SUV39H1: variants seen among roughly 807,000 people sequenced by gnomAD.
SUV39H1 encodes SUV39H1 histone lysine methyltransferase.
For missense variants in SUV39H1, 180 were observed against 386.3 expected, an observed-to-expected ratio of 0.47 and a Z score of 4.48; for synonymous variants, 141 against 150.5, an observed-to-expected ratio of 0.94 and a Z score of 0.46.
chrX:48,701,881 A>G (rs782044185), intron 3 of SUV39H1, among the ~76,000 whole-genome samples: 18 of 111,549 alleles, frequency 1.6e-4, no homozygotes, highest in African/African-American at 5.2e-4. Context: ...ATATATAGCC[A>G]TAGGTCCCTT....
intron 3 of SUV39H1, among the ~76,000 whole-genome samples, chrX:48,702,133 TGGA>T (rs1330603456): frequency 4.5e-5 from 5 of 111,829 alleles, no homozygotes; most frequent in Non-Finnish European, 9.4e-5. Context: ...GCTGGCCTGC[TGGA>T]GGAGATGTCT....
At chrX:48,704,347 G>A in intron 3 of SUV39H1, among the ~76,000 whole-genome samples, 1 of 111,416 alleles carries the variant, frequency 9.0e-6, no homozygotes. Context: ...GAAGGATGTG[G>A]GCACTCCTCC....
rs781901688 is a variant in SUV39H1 at position 48,697,209 on chromosome X, T to C, written c.19+406T>C. ...AAGATAAGGGGGACAGACCCCCCCTTCAGAGTGCGGGGACTGAGAACTCTT... is the reference window on the plus strand; with the variant it reads ...AAGATAAGGGGGACAGACCCCCCCTCCAGAGTGCGGGGACTGAGAACTCTT... On this transcript the variant is annotated intron_variant, in intron 1 of 5. Transcript: ENST00000376687. 4.1e-3 allele frequency among the ~76,000 whole-genome samples: 456 copies of C among 111,091 alleles called. 3 individuals carry two copies. Among genetic ancestry groups the C allele is most frequent in the African/African-American group, 0.015 (446 of 30,616 alleles).
chrX:48,700,931 ACACCAGCATGGC>A, intron 3 of SUV39H1, 178 bp downstream of exon 3: 1 of 556,577 alleles, frequency 1.8e-6, no homozygotes, highest in Non-Finnish European at 3.0e-6. Flanking sequence ...AAGCTGGTAC[ACACCAGCATGGC>A]CATGCTGGTG....
intron 3 of SUV39H1, 80 bp from the exon 4 acceptor site, chrX:48,706,185 G>T: frequency 8.8e-7 from 1 of 1,136,083 alleles, no homozygotes; most frequent in Non-Finnish European, 1.2e-6. Context: ...CCTGCTCCCT[G>T]TCCTTCAGAA....
upstream of SUV39H1, chrX:48,696,006 A>G (rs1341397201): frequency 3.3e-6 from 3 of 921,907 alleles, no homozygotes; most frequent in Non-Finnish European, 4.5e-6. Context: ...ATAGTGCCCG[A>G]CAGGGCTGTA....
intron 3 of SUV39H1, 36 bp from the exon 4 acceptor site, chrX:48,706,229 C>G (rs1387544168): frequency 8.4e-7 from 1 of 1,186,074 alleles, no homozygotes; most frequent in African/African-American, 1.8e-5. Flanking sequence ...TGAGACTTCG[C>G]GGCCAATCTC....
Position 48,696,756 on chromosome X carries a change from G to A in SUV39H1, c.-29G>A, listed in dbSNP as rs370611641. The A allele has an allele frequency of 8.9e-5, 101 of 1,137,951 alleles. No individual in the cohort carries two copies. Among genetic ancestry groups the A allele is most frequent in the Non-Finnish European group, 1.1e-4 (92 of 860,046 alleles). The allele number at this position is 1,137,951 out of a possible 1,213,427, so 93.8% of individuals were successfully genotyped here. A position where few individuals can be genotyped will look rare whatever the true frequency, so the allele number is the denominator to read the frequency against. Reference sequence around the variant, plus strand: ...AGCGCTCTTCTCGCGAGGCCGGCTAGGCCCGAATGTCGTTAGCCGTGGGGA... The same window carrying A: ...AGCGCTCTTCTCGCGAGGCCGGCTAAGCCCGAATGTCGTTAGCCGTGGGGA... On this transcript the variant is annotated 5_prime_UTR_variant, in exon 1 of 6. Coordinates refer to ENST00000376687, the MANE Select transcript of SUV39H1 (RefSeq NM_003173.4).
chrX:48,702,804 TGCACTATTTCCTGACCGCCCTCCA>T (rs2062479167), intron 3 of SUV39H1, among the ~76,000 whole-genome samples: 1 of 111,571 alleles, frequency 9.0e-6, no homozygotes. Flanking sequence ...ACATTCTTGC[TGCACTATTTCCTGACCGCCCTCCA>T]GCACCCTCAG....
At chrX:48,697,027 T>G (rs1447000105) in intron 1 of SUV39H1, among the ~76,000 whole-genome samples, 1 of 106,957 alleles carries the variant, frequency 9.3e-6, no homozygotes, top group Non-Finnish European at 1.9e-5. Flanking sequence ...TGGGGCTAAG[T>G]GGGGACGCAG....
intron 2 of SUV39H1, among the ~76,000 whole-genome samples, chrX:48,699,725 G>A (rs2062468027): frequency 9.0e-6 from 1 of 111,603 alleles, no homozygotes; most frequent in African/African-American, 3.3e-5. Context: ...GGGGCCAACG[G>A]GATGTGCAGA....
rs41303693 is a variant in SUV39H1 at position 48,708,690 on chromosome X, C to A, written c.*1120C>A. On this transcript the variant is annotated 3_prime_UTR_variant, in exon 6 of 6. Coordinates refer to ENST00000376687, the MANE Select transcript of SUV39H1 (RefSeq NM_003173.4). Reference sequence around the variant, plus strand: ...CCCAGACCCCAGCCCTTTGTGCTCACCCTGGTTCCACTGGTCTCAAAAGTC... The same window carrying A: ...CCCAGACCCCAGCCCTTTGTGCTCAACCTGGTTCCACTGGTCTCAAAAGTC... 8 of 111,969 alleles carry A rather than the reference C, an allele frequency of 7.1e-5. No homozygotes were observed. The highest frequency in any genetic ancestry group is 1.5e-4 in the Non-Finnish European group (8 of 53,018). The allele number at this position is 111,969 out of a possible 1,213,427, so 9.2% of individuals were successfully genotyped here. A position where few individuals can be genotyped will look rare whatever the true frequency, so the allele number is the denominator to read the frequency against.
intron 3 of SUV39H1, among the ~76,000 whole-genome samples, chrX:48,701,931 G>A (rs1228525030): frequency 1.8e-5 from 2 of 111,761 alleles, no homozygotes; most frequent in African/African-American, 6.5e-5. Flanking sequence ...AAACTGGCCT[G>A]AGGAACACTC....
chrX:48,708,661 C>T lies in SUV39H1; in HGVS notation c.*1091C>T, dbSNP rs1325017172. ...CGAGAGGGAAGCCCTTGCTGCCTGC[C>T]ATTCCCAGACCCCAGCCCTTTGTGC... On this transcript the variant is annotated 3_prime_UTR_variant, in exon 6 of 6. Coordinates refer to ENST00000376687, the MANE Select transcript of SUV39H1 (RefSeq NM_003173.4). 8.9e-6 allele frequency: 1 copy of T among 112,043 alleles called. No individual in the cohort carries two copies. Among genetic ancestry groups the T allele is most frequent in the African/African-American group, 3.3e-5 (1 of 30,742 alleles). 9.2% of individuals were successfully genotyped at this position (112,043 alleles called of 1,213,427 possible).
chrX:48,704,990 G>A (rs1399691449), intron 3 of SUV39H1, among the ~76,000 whole-genome samples: 3 of 112,437 alleles, frequency 2.7e-5, no homozygotes, highest in African/African-American at 9.7e-5. Flanking sequence ...GGGGCAGTGG[G>A]TAGTGTGGCC....
chrX:48,704,995 G>A (rs782444529), intron 3 of SUV39H1, among the ~76,000 whole-genome samples: 1 of 112,409 alleles, frequency 8.9e-6, no homozygotes, highest in Non-Finnish European at 1.9e-5. Context: ...AGTGGGTAGT[G>A]TGGCCCGAGG....
chrX:48,699,653 G>T (rs1262898257), intron 2 of SUV39H1, among the ~76,000 whole-genome samples: 2 of 112,011 alleles, frequency 1.8e-5, no homozygotes, highest in African/African-American at 3.3e-5. Context: ...GACTTGTCAG[G>T]GTCCAGGTGA....
At chrX:48,700,801 G>GA in intron 3 of SUV39H1, 48 bp downstream of exon 3, 1 of 1,174,579 alleles carries the variant, frequency 8.5e-7, no homozygotes, top group Non-Finnish European at 1.1e-6. Flanking sequence ...CCCACCCTGT[G>GA]TTCACAGTGT....
chrX:48,697,017 T>TG (rs1557008765), intron 1 of SUV39H1, among the ~76,000 whole-genome samples: 1 of 107,604 alleles, frequency 9.3e-6, no homozygotes, highest in Non-Finnish European at 1.9e-5. Flanking sequence ...GCAGCGGGCC[T>TG]GGGGCTAAGT....
Sources: allele counts gnomAD v4.1 joint callset (sites outside exome capture counted in the v4.1 genomes callset), GRCh38; gene constraint gnomAD v4.1.1; transcripts MANE v1.5; gene names NCBI Gene and HGNC (gene_info 2026-07-23, HGNC 2026-07-21).